The following THEMIS variants were observed in gnomAD, a reference collection of about 807,000 sequenced individuals.
THEMIS encodes protein THEMIS.
Under a neutral mutation model 52.6 loss-of-function variants are expected in THEMIS, and 37 were observed. The ratio of observed to expected loss-of-function variants is 0.70; its 90% CI spans 0.54 to 0.93. THEMIS has a LOEUF of 0.93. Ranked by LOEUF, THEMIS falls within the 40% of genes least tolerant of loss-of-function variation. The pLI, the probability that THEMIS is intolerant of heterozygous loss-of-function variation, is 0.00. For missense variants in THEMIS, 808 were observed against 763.1 expected, an observed-to-expected ratio of 1.06 and a Z score of -0.69; for synonymous variants, 292 against 272.7, an observed-to-expected ratio of 1.07 and a Z score of -0.70.
chr6:127,770,061 T>C (rs1776331586), intron 4 of THEMIS, among the ~76,000 whole-genome samples: 1 of 152,228 alleles, frequency 6.6e-6, no homozygotes, highest in South Asian at 2.1e-4. Context: ...GTTGCTATTG[T>C]GAATAGTCCC....
the THEMIS span, among the ~76,000 whole-genome samples, chr6:127,697,531 T>C: frequency 6.6e-6 from 1 of 152,168 alleles, no homozygotes; most frequent in African/African-American, 2.4e-5. Flanking sequence ...AAAACTAAAT[T>C]CCTTAATGTT....
intron 4 of THEMIS, among the ~76,000 whole-genome samples, chr6:127,724,173 T>C: frequency 6.6e-6 from 1 of 152,130 alleles, no homozygotes; most frequent in East Asian, 1.9e-4. Flanking sequence ...CATTTTACTT[T>C]GTTTTATCCA....
chr6:127,778,236 G>C (rs553786157), intron 4 of THEMIS, among the ~76,000 whole-genome samples: 51 of 152,174 alleles, frequency 3.4e-4, no homozygotes, highest in African/African-American at 1.2e-3. Context: ...AATATAAAAA[G>C]AAAGATGCCT....
intron 4 of THEMIS, among the ~76,000 whole-genome samples, chr6:127,800,631 G>T (rs1777500113): frequency 6.6e-6 from 1 of 152,234 alleles, no homozygotes; most frequent in Non-Finnish European, 1.5e-5. Context: ...TAACGTTTGA[G>T]TCAGTGGGCT....
chr6:127,820,929 G>T (rs1778317033), intron 3 of THEMIS, among the ~76,000 whole-genome samples: 1 of 151,694 alleles, frequency 6.6e-6, no homozygotes, highest in Non-Finnish European at 1.5e-5. Context: ...ACTGAAATAG[G>T]TTTCATTAAT....
At chr6:127,736,750 C>A (rs1249305228) in intron 4 of THEMIS, among the ~76,000 whole-genome samples, 4 of 151,056 alleles carry the variant, frequency 2.6e-5, no homozygotes, top group African/African-American at 9.7e-5. Flanking sequence ...TCTTCTATCT[C>A]CTAATGTAGT....
chr6:127,717,284 T>C (rs1774201872), intron 5 of THEMIS, among the ~76,000 whole-genome samples: 1 of 151,808 alleles, frequency 6.6e-6, no homozygotes, highest in Non-Finnish European at 1.5e-5. Context: ...TAATTGCTCA[T>C]GGTATATAGC....
At chr6:127,852,679 A>G (rs1324805160) in intron 2 of THEMIS, among the ~76,000 whole-genome samples, 2 of 151,560 alleles carry the variant, frequency 1.3e-5, no homozygotes, top group Non-Finnish European at 3.0e-5. Context: ...GTATAAATAA[A>G]GAGATGCTGC....
chr6:127,772,729 T>C (rs914560118), intron 4 of THEMIS, among the ~76,000 whole-genome samples: 2 of 152,102 alleles, frequency 1.3e-5, no homozygotes, highest in Admixed American at 1.3e-4. Flanking sequence ...GCTCTTCCCT[T>C]AAAAGAAAAC....
At chr6:127,784,581 G>A (rs1160838360) in intron 4 of THEMIS, among the ~76,000 whole-genome samples, 2 of 152,106 alleles carry the variant, frequency 1.3e-5, no homozygotes, top group Non-Finnish European at 2.9e-5. Flanking sequence ...CACAAAGCAG[G>A]CCAATCAGGG....
At chr6:127,904,312 G>A (rs1037130318), upstream of THEMIS, among the ~76,000 whole-genome samples, 1 of 152,062 alleles carries the variant, frequency 6.6e-6, no homozygotes, top group African/African-American at 2.4e-5. Context: ...AGAAGCCAAG[G>A]AGTGCTTTCA....
At chr6:127,741,970 A>G (rs1201716723) in intron 4 of THEMIS, among the ~76,000 whole-genome samples, 6 of 152,176 alleles carry the variant, frequency 3.9e-5, no homozygotes, top group African/African-American at 1.4e-4. Flanking sequence ...CAAGGAGGAT[A>G]TGAGCCATTG....
chr6:127,758,738 A>G (rs1345224441), intron 4 of THEMIS, among the ~76,000 whole-genome samples: 1 of 152,094 alleles, frequency 6.6e-6, no homozygotes, highest in Non-Finnish European at 1.5e-5. Context: ...ATGTAGAAGA[A>G]TAAACGAACT....
At chr6:127,800,376 T>C (rs545470797) in intron 4 of THEMIS, among the ~76,000 whole-genome samples, 78 of 152,312 alleles carry the variant, frequency 5.1e-4, no homozygotes, top group African/African-American at 1.8e-3. Context: ...TCAAAGGACA[T>C]TATTTATCAC....
chr6:127,748,178 C>G (rs1178971359), intron 4 of THEMIS, among the ~76,000 whole-genome samples: 1 of 152,054 alleles, frequency 6.6e-6, no homozygotes, highest in Non-Finnish European at 1.5e-5. Context: ...TGAGTTTATT[C>G]ACTTGAAGAA....
intron 1 of THEMIS, among the ~76,000 whole-genome samples, chr6:127,858,867 G>A (rs1779704873): frequency 6.6e-6 from 1 of 152,120 alleles, no homozygotes; most frequent in Non-Finnish European, 1.5e-5. Context: ...CCTGTTTTCA[G>A]TGATCAAACA....
chr6:127,915,473 C>T (rs1781502360), intron 1 of THEMIS, among the ~76,000 whole-genome samples: 1 of 151,910 alleles, frequency 6.6e-6, no homozygotes, highest in South Asian at 2.1e-4. Context: ...TGCTATTCGG[C>T]CCTGATTTGG....
At chr6:127,743,810 T>A (rs1775289523) in intron 4 of THEMIS, among the ~76,000 whole-genome samples, 1 of 152,126 alleles carries the variant, frequency 6.6e-6, no homozygotes, top group Non-Finnish European at 1.5e-5. Context: ...ATACAATATA[T>A]AAATAGTAAA....
chr6:127,901,086 G>T (rs1562330370), upstream of THEMIS: 8 of 640,854 alleles, frequency 1.2e-5, no homozygotes, highest in East Asian at 2.1e-4. Context: ...GTAGCTCTAT[G>T]TGGGGAGGAC....
Sources: allele counts gnomAD v4.1 joint callset (sites outside exome capture counted in the v4.1 genomes callset), GRCh38; gene constraint gnomAD v4.1.1; transcripts MANE v1.5; gene names NCBI Gene and HGNC (gene_info 2026-07-23, HGNC 2026-07-21).